Variants in FBXL5 observed in about 807,000 individuals in gnomAD.
FBXL5 encodes the protein F-box/LRR-repeat protein 5.
Under a neutral mutation model 78.3 loss-of-function variants are expected in FBXL5, and 26 were observed. The ratio of observed to expected loss-of-function variants is 0.33; its 90% CI spans 0.24 to 0.46. The LOEUF is 0.46. Ranked by LOEUF, FBXL5 falls within the 20% of genes least tolerant of loss-of-function variation. The pLI is 1.00. For synonymous variants in FBXL5, 295 were observed against 282.5 expected (o/e 1.04, Z -0.45); for missense variants, 710 against 829.2 (o/e 0.86, Z 1.77).
chr4:15,632,392 C>A (rs1042307727), intron 5 of FBXL5, among the ~76,000 whole-genome samples: 1 of 152,060 alleles, frequency 6.6e-6, no homozygotes, highest in East Asian at 1.9e-4. Flanking sequence ...GTCTTGGCAA[C>A]GCGGGCTCTT....
chr4:15,642,961 A>C (rs954767012), intron 2 of FBXL5, among the ~76,000 whole-genome samples: 1 of 152,014 alleles, frequency 6.6e-6, no homozygotes, highest in African/African-American at 2.4e-5. Flanking sequence ...ACATTCTATC[A>C]ATTTTATTTC....
chr4:15,614,496 C>G (rs1209926579), intron 9 of FBXL5, among the ~76,000 whole-genome samples: 1 of 152,134 alleles, frequency 6.6e-6, no homozygotes, highest in East Asian at 1.9e-4. Flanking sequence ...GGTAAGTATT[C>G]AGGTTTCTCA....
upstream of FBXL5, among the ~76,000 whole-genome samples, chr4:15,662,886 C>G (rs931842543): frequency 6.6e-6 from 1 of 152,100 alleles, no homozygotes; most frequent in Non-Finnish European, 1.5e-5. Flanking sequence ...TCAGTGTGCA[C>G]AATTGTTACT....
At chr4:15,655,442 G>A (rs1404478054), upstream of FBXL5, 8 of 973,382 alleles carry the variant, frequency 8.2e-6, no homozygotes, top group Non-Finnish European at 8.5e-6. Flanking sequence ...GCGGGGGCGC[G>A]CAGGCCGCCG....
chr4:15,671,803 T>G (rs1717781675), intron 1 of FBXL5, among the ~76,000 whole-genome samples: 1 of 152,234 alleles, frequency 6.6e-6, no homozygotes, highest in Non-Finnish European at 1.5e-5. Context: ...TTCAAACTCA[T>G]GAATCTTTTC....
chr4:15,642,120 C>T (rs1478046389), intron 2 of FBXL5, among the ~76,000 whole-genome samples: 1 of 152,006 alleles, frequency 6.6e-6, no homozygotes, highest in Non-Finnish European at 1.5e-5. Context: ...CTTGAAGTAA[C>T]TCATTCTAAT....
Position 15,625,839 on chromosome 4 carries a change from T to C in FBXL5, c.1263A>G (p.Thr421=), listed in dbSNP as rs149500692. Residue 421 remains threonine (T), a synonymous_variant, in exon 9 of 11, where the codon ACA becomes ACG. Coordinates refer to ENST00000341285, the MANE Select transcript of FBXL5 (RefSeq NM_012161.4). The stretch of plus-strand genomic sequence containing the variant: ...CAGTTGAAGTAATTTTGCTTGTAGA[T>C]GTTTTCAAAAAGCCACTTTGATGAG... ...LTSHQSGFLK[T]STSKITSTAW... is the part of the protein sequence containing the mutation. The C allele has an allele frequency of 5.5e-5, 88 of 1,614,176 alleles. No homozygotes were observed. In the East Asian group the frequency reaches 1.7e-3, roughly 31 times the overall value.
intron 1 of FBXL5, 86 bp from the exon 2 acceptor site, chr4:15,644,794 T>G: frequency 2.2e-6 from 2 of 890,082 alleles, no homozygotes; most frequent in Non-Finnish European, 3.4e-6. Context: ...CCTATTCACT[T>G]TTGCACACAG....
At chr4:15,627,179 G>A (rs1713157592) in intron 7 of FBXL5, among the ~76,000 whole-genome samples, 1 of 143,442 alleles carries the variant, frequency 7.0e-6, no homozygotes, top group Non-Finnish European at 1.5e-5. Context: ...CTGTCACCCA[G>A]GCTGGAGGGC....
chr4:15,626,033 T>G (rs981691624), intron 8 of FBXL5, 56 bp from the exon 9 acceptor site: 3 of 1,439,864 alleles, frequency 2.1e-6, no homozygotes, highest in African/African-American at 1.4e-5. Context: ...CAAAAGCATT[T>G]GACTATATGC....
At chr4:15,652,533 C>A (rs1716221410) in intron 1 of FBXL5, among the ~76,000 whole-genome samples, 1 of 152,102 alleles carries the variant, frequency 6.6e-6, no homozygotes, top group Non-Finnish European at 1.5e-5. Context: ...AGTATTAAAT[C>A]GGGTATTGTA....
chr4:15,661,422 A>T (rs1178870992), upstream of FBXL5, among the ~76,000 whole-genome samples: 1 of 152,200 alleles, frequency 6.6e-6, no homozygotes, highest in Non-Finnish European at 1.5e-5. Context: ...GGAAGCACTA[A>T]ATGTTAGCTA....
intron 7 of FBXL5, 130 bp from the exon 8 acceptor site, chr4:15,627,085 G>A (rs1577444344): frequency 2.7e-5 from 10 of 369,100 alleles, no homozygotes; most frequent in East Asian, 9.4e-5. Flanking sequence ...TTGAATACTT[G>A]AAAAAAGTAT....
At chr4:15,670,212 A>C (rs909022620) in intron 1 of FBXL5, among the ~76,000 whole-genome samples, 4 of 152,236 alleles carry the variant, frequency 2.6e-5, no homozygotes, top group Non-Finnish European at 5.9e-5. Context: ...GGTCATTACA[A>C]ATAGAGCTAC....
intron 10 of FBXL5, among the ~76,000 whole-genome samples, chr4:15,607,865 TAAG>T (rs539656534): frequency 8.5e-5 from 13 of 152,240 alleles, no homozygotes; most frequent in Middle Eastern, 3.4e-3. Flanking sequence ...TTTAAAGAAA[TAAG>T]AAGAGACATG....
chr4:15,628,443 A>G (rs1255660350), intron 6 of FBXL5, among the ~76,000 whole-genome samples: 3 of 152,190 alleles, frequency 2.0e-5, no homozygotes, highest in Non-Finnish European at 4.4e-5. Context: ...ACTTCTGTAA[A>G]GCTTGGATGT....
At chr4:15,620,917 C>T (rs1048097367) in intron 9 of FBXL5, among the ~76,000 whole-genome samples, 7 of 152,286 alleles carry the variant, frequency 4.6e-5, no homozygotes, top group Non-Finnish European at 1.0e-4. Context: ...CCCATCCCTT[C>T]GTTTTCCATA....
intron 3 of FBXL5, 78 bp downstream of exon 3, chr4:15,640,710 A>G: frequency 1.4e-6 from 1 of 737,878 alleles, no homozygotes; most frequent in Non-Finnish European, 2.2e-6. Flanking sequence ...CCTATGCATT[A>G]TTTTGAAGAG....
At chr4:15,631,656 CT>C in intron 5 of FBXL5, among the ~76,000 whole-genome samples, 1 of 152,338 alleles carries the variant, frequency 6.6e-6, no homozygotes, top group East Asian at 1.9e-4. Flanking sequence ...ATTTGCATTT[CT>C]CTGATGACCA....
Sources: allele counts gnomAD v4.1 joint callset (sites outside exome capture counted in the v4.1 genomes callset), GRCh38; gene constraint gnomAD v4.1.1; transcripts MANE v1.5; gene names NCBI Gene and HGNC (gene_info 2026-07-23, HGNC 2026-07-21).